FLT1: variants seen among roughly 807,000 people sequenced by gnomAD.
FLT1 encodes the protein vascular endothelial growth factor receptor 1.
A neutral mutation model predicts 156.3 loss-of-function variants in FLT1; 49 were observed. The observed-to-expected ratio is 0.31, with a 90% CI of 0.25 to 0.40. FLT1 has a LOEUF of 0.40. Among genes scored for constraint, FLT1 ranks in the 10% least tolerant of loss-of-function variants. FLT1 has a pLI of 1.00. For missense variants in FLT1, 1,322 were observed against 1,637.2 expected (o/e 0.81, Z 3.32); for synonymous variants, 594 against 583.8 (o/e 1.02, Z -0.25).
At chr13:28,312,685 A>G (rs1871054060) in intron 25 of FLT1, among the ~76,000 whole-genome samples, 1 of 152,158 alleles carries the variant, frequency 6.6e-6, no homozygotes, top group Non-Finnish European at 1.5e-5. Flanking sequence ...CTGGTGGGGA[A>G]GGTCCTGCGT....
chr13:28,450,909 T>A (rs2137585553), intron 3 of FLT1, among the ~76,000 whole-genome samples: 1 of 152,222 alleles, frequency 6.6e-6, no homozygotes, highest in South Asian at 2.1e-4. Context: ...CCTCAATGAC[T>A]CAAGCGTGAC....
At chr13:28,392,829 A>G (rs1237826285) in intron 12 of FLT1, among the ~76,000 whole-genome samples, 2 of 152,182 alleles carry the variant, frequency 1.3e-5, no homozygotes, top group Non-Finnish European at 2.9e-5. Context: ...ATTCGTTTTG[A>G]GGCCTGTTTC....
chr13:28,314,973 C>G (rs1320902939), intron 25 of FLT1, among the ~76,000 whole-genome samples: 2 of 152,160 alleles, frequency 1.3e-5, no homozygotes, highest in Non-Finnish European at 2.9e-5. Flanking sequence ...CTTTGTACCT[C>G]TGAGTTATTT....
intron 15 of FLT1, among the ~76,000 whole-genome samples, chr13:28,355,209 T>C (rs1339482056): frequency 2.0e-5 from 3 of 152,198 alleles, no homozygotes; most frequent in African/African-American, 7.2e-5. Flanking sequence ...CACATAGTCA[T>C]TGTGCGACTT....
At chr13:28,306,562 A>T in intron 29 of FLT1, 116 bp downstream of exon 29, 1 of 774,754 alleles carries the variant, frequency 1.3e-6, no homozygotes, top group Non-Finnish European at 2.3e-6. Flanking sequence ...ACTCCCGGAT[A>T]CCACAGTTCA....
chr13:28,370,495 G>A (rs184710202), intron 14 of FLT1, among the ~76,000 whole-genome samples: 1 of 152,164 alleles, frequency 6.6e-6, no homozygotes, highest in Admixed American at 6.5e-5. Flanking sequence ...TAGCAGAATA[G>A]TTTCTAAAAG....
intron 1 of FLT1, among the ~76,000 whole-genome samples, chr13:28,490,110 A>G (rs1881387128): frequency 6.6e-6 from 1 of 152,206 alleles, no homozygotes; most frequent in African/African-American, 2.4e-5. Flanking sequence ...GCCGCTAGCC[A>G]GCTGTTGACC....
chr13:28,361,969 T>C (rs552789832), intron 14 of FLT1, among the ~76,000 whole-genome samples: 2 of 152,314 alleles, frequency 1.3e-5, no homozygotes, highest in African/African-American at 4.8e-5. Flanking sequence ...ACAGCTGGAC[T>C]GGAATGAGGA....
intron 20 of FLT1, 83 bp from the exon 21 acceptor site, chr13:28,323,029 T>A: frequency 7.2e-7 from 1 of 1,392,288 alleles, no homozygotes; most frequent in Non-Finnish European, 1.0e-6. Flanking sequence ...GGCAATCGCC[T>A]GATGAGAAAT....
chr13:28,375,555 G>T (rs1442319763), intron 14 of FLT1, among the ~76,000 whole-genome samples: 1 of 152,106 alleles, frequency 6.6e-6, no homozygotes, highest in Non-Finnish European at 1.5e-5. Flanking sequence ...CCTCCTAAAA[G>T]AACTTTATCC....
chr13:28,403,467 G>A (rs1875589192), intron 11 of FLT1, among the ~76,000 whole-genome samples: 1 of 152,092 alleles, frequency 6.6e-6, no homozygotes, highest in Admixed American at 6.6e-5. Context: ...TTCATGGTTT[G>A]GGTTAGCCAG....
In FLT1 at chr13:28,368,417, G is replaced by A. The variant is rs1032379275; in HGVS notation, c.2117-10732C>T. The stretch of plus-strand genomic sequence containing the variant: ...TCCACCTGCCTTGGCCTCCCAAAGT[G>A]CTGGGATTACAGGCGTGAGCCACCA... On this transcript the variant is annotated intron_variant, in intron 14 of 29. Transcript: ENST00000282397. 2.7e-5 allele frequency: 38 copies of A among 1,430,960 alleles called. No individual in the cohort carries two copies. The African/African-American group carries it at 5.0e-4, about 19-fold the overall frequency. 88.6% of individuals were successfully genotyped at this position (1,430,960 alleles called of 1,614,324 possible).
intron 29 of FLT1, among the ~76,000 whole-genome samples, chr13:28,305,750 A>C (rs1304025861): frequency 6.6e-6 from 1 of 152,144 alleles, no homozygotes; most frequent in Non-Finnish European, 1.5e-5. Flanking sequence ...AAACTCGTAA[A>C]CTTTCTTAAA....
At chr13:28,465,228 T>G (rs1329391846) in intron 3 of FLT1, among the ~76,000 whole-genome samples, 1 of 152,162 alleles carries the variant, frequency 6.6e-6, no homozygotes, top group African/African-American at 2.4e-5. Context: ...GTGGGCTGAC[T>G]TCCCCAAGCA....
At chr13:28,350,382 C>A (rs1048149581) in intron 15 of FLT1, among the ~76,000 whole-genome samples, 1 of 152,108 alleles carries the variant, frequency 6.6e-6, no homozygotes, top group Non-Finnish European at 1.5e-5. Flanking sequence ...GGCTTTATAC[C>A]ATCCCTTTTG....
chr13:28,393,737 C>T (rs1427016724), intron 12 of FLT1, among the ~76,000 whole-genome samples: 1 of 152,168 alleles, frequency 6.6e-6, no homozygotes, highest in Non-Finnish European at 1.5e-5. Flanking sequence ...CAGGCACGTG[C>T]CAGCAGGCCT....
chr13:28,402,636 A>G (rs2137484608), intron 11 of FLT1, among the ~76,000 whole-genome samples: 1 of 152,272 alleles, frequency 6.6e-6, no homozygotes, highest in African/African-American at 2.4e-5. Context: ...CAGTGCAAAC[A>G]ATTGTTTAAC....
intron 10 of FLT1, among the ~76,000 whole-genome samples, chr13:28,421,197 G>C (rs1228432915): frequency 6.6e-6 from 1 of 152,070 alleles, no homozygotes; most frequent in Non-Finnish European, 1.5e-5. Flanking sequence ...AACTATTTTA[G>C]ACTCCAGTCC....
intron 10 of FLT1, among the ~76,000 whole-genome samples, chr13:28,413,896 G>A (rs1566014235): frequency 6.6e-6 from 1 of 152,198 alleles, no homozygotes; most frequent in African/African-American, 2.4e-5. Flanking sequence ...TCCTAGTTAT[G>A]TAACTGTGGA....
Sources: allele counts gnomAD v4.1 joint callset (sites outside exome capture counted in the v4.1 genomes callset), GRCh38; gene constraint gnomAD v4.1.1; transcripts MANE v1.5; gene names NCBI Gene and HGNC (gene_info 2026-07-23, HGNC 2026-07-21).